Variants in ARAP2 observed in about 807,000 individuals in gnomAD.
ARAP2 encodes arf-GAP with Rho-GAP domain, ANK repeat and PH domain-containing protein 2.
ARAP2 carries 148 observed loss-of-function variants against 194.5 expected under a neutral mutation model. The ratio of observed to expected loss-of-function variants is 0.76; its 90% CI spans 0.67 to 0.87. The LOEUF is 0.87. ARAP2 is among the 40% of genes least tolerant of loss of function. The pLI, the probability that ARAP2 is intolerant of heterozygous loss-of-function variation, is 0.00. For missense variants in ARAP2, 2,128 were observed against 1,989.7 expected (o/e 1.07, Z -1.32); for synonymous variants, 695 against 683.5 (o/e 1.02, Z -0.26).
At chr4:36,112,029 G>A (rs1720118991) in intron 26 of ARAP2, among the ~76,000 whole-genome samples, 1 of 151,902 alleles carries the variant, frequency 6.6e-6, no homozygotes, top group African/African-American at 2.4e-5. Context: ...ACTAAACAGG[G>A]CCCTGAGATC....
At chr4:36,156,038 T>C (rs543957220) in intron 15 of ARAP2, among the ~76,000 whole-genome samples, 4 of 152,144 alleles carry the variant, frequency 2.6e-5, no homozygotes, top group East Asian at 1.9e-4. Context: ...TCCCAGCACA[T>C]TGAGAGGCTG....
chr4:36,168,256 C>T (rs1020952004), intron 9 of ARAP2, among the ~76,000 whole-genome samples: 1 of 152,210 alleles, frequency 6.6e-6, no homozygotes, highest in African/African-American at 2.4e-5. Flanking sequence ...GAAAGCCTTT[C>T]AGCCCTTACT....
At chr4:36,130,406 T>C (rs1725140463) in intron 20 of ARAP2, among the ~76,000 whole-genome samples, 1 of 152,022 alleles carries the variant, frequency 6.6e-6, no homozygotes, top group East Asian at 1.9e-4. Context: ...CCACATTTAA[T>C]ACCACAAAGC....
chr4:36,011,397 A>C (rs892001469), intron 9 of ARAP2, among the ~76,000 whole-genome samples: 21 of 152,238 alleles, frequency 1.4e-4, no homozygotes, highest in African/African-American at 5.1e-4. Flanking sequence ...AGAGTTTTAA[A>C]AATAAAATTG....
chr4:36,235,126 C>T (rs1015270842), intron 1 of ARAP2, among the ~76,000 whole-genome samples: 5 of 152,184 alleles, frequency 3.3e-5, no homozygotes, highest in Admixed American at 1.3e-4. Flanking sequence ...TGCTCACATC[C>T]TAGCCTAAGC....
intron 28 of ARAP2, among the ~76,000 whole-genome samples, chr4:36,090,722 A>G (rs1713378625): frequency 6.6e-6 from 1 of 152,116 alleles, no homozygotes; most frequent in Non-Finnish European, 1.5e-5. Context: ...GAACACATGG[A>G]CACATAGAGG....
At chr4:36,174,578 G>A (rs1156404008) in intron 9 of ARAP2, among the ~76,000 whole-genome samples, 1 of 152,050 alleles carries the variant, frequency 6.6e-6, no homozygotes, top group African/African-American at 2.4e-5. Flanking sequence ...TGTGTTTTTG[G>A]CTCATCCATC....
intron 20 of ARAP2, among the ~76,000 whole-genome samples, chr4:36,130,676 A>T (rs1725213241): frequency 6.6e-6 from 1 of 151,892 alleles, no homozygotes. Context: ...TTTGTCTCTT[A>T]TTCATAAATC....
At chr4:36,020,540 G>T (rs888722198) in intron 5 of ARAP2, among the ~76,000 whole-genome samples, 3 of 152,202 alleles carry the variant, frequency 2.0e-5, no homozygotes, top group South Asian at 2.1e-4. Context: ...AGCAGAATGG[G>T]TGCTGGGATG....
chr4:36,133,970 A>T (rs1428316687), intron 19 of ARAP2, among the ~76,000 whole-genome samples: 1 of 151,738 alleles, frequency 6.6e-6, no homozygotes, highest in Non-Finnish European at 1.5e-5. Context: ...CCCTATCTCC[A>T]GGCTGTAACT....
At chr4:36,090,448 C>CA in intron 28 of ARAP2, among the ~76,000 whole-genome samples, 1 of 152,044 alleles carries the variant, frequency 6.6e-6, no homozygotes, top group Non-Finnish European at 1.5e-5. Flanking sequence ...AGAGATACAA[C>CA]AAAAAAGAAA....
In ARAP2 at chr4:36,148,579, C is replaced by T. The variant is rs188001051; in HGVS notation, c.2898-72G>A. The stretch of plus-strand genomic sequence containing the variant: ...TTAAGAAAATGAATAACACAAAGGT[C>T]ATGTTTTTAATTAAATTCCTTTTAA... On this transcript the variant is annotated intron_variant, in intron 16 of 32. Coordinates refer to ENST00000303965, the MANE Select transcript of ARAP2 (RefSeq NM_015230.4). 24 of 1,047,672 alleles carry T rather than the reference C, an allele frequency of 2.3e-5. No homozygotes were observed. The East Asian group carries it at 5.8e-4, about 25-fold the overall frequency. The allele number at this position is 1,047,672 out of a possible 1,614,324, so 64.9% of individuals were successfully genotyped here. A position where few individuals can be genotyped will look rare whatever the true frequency, so the allele number is the denominator to read the frequency against.
At chr4:36,244,084 T>G (rs1246612470) in intron 1 of ARAP2, 95 bp downstream of exon 1, 1 of 152,084 alleles carries the variant, frequency 6.6e-6, no homozygotes, top group Non-Finnish European at 1.5e-5. Context: ...ATTTACCCGG[T>G]GAAGTGTCGA....
rs538026927 is a variant in ARAP2, at chr4:36,125,457, G to A, written c.3641-490C>T. 8.6e-5 allele frequency among the ~76,000 whole-genome samples: 13 copies of A among 152,046 alleles called. No homozygotes were observed. The South Asian group carries it at 2.5e-3, about 29-fold the overall frequency. ...TCTTTCCAAAGCTATGAACTATCCT[G>A]GAACTATGAACTGTACAGTACCCCT... is the stretch of plus-strand genomic sequence containing the variant. On this transcript the variant is annotated intron_variant, in intron 21 of 32. Transcript: ENST00000303965.
chr4:36,186,674 C>T (rs1340513725), intron 8 of ARAP2, among the ~76,000 whole-genome samples: 1 of 152,258 alleles, frequency 6.6e-6, no homozygotes, highest in Non-Finnish European at 1.5e-5. Context: ...GCATTACTGC[C>T]TGAGCTCTGC....
chr4:36,010,950 T>C (rs368159070), intron 9 of ARAP2, among the ~76,000 whole-genome samples: 4 of 152,174 alleles, frequency 2.6e-5, no homozygotes, highest in Non-Finnish European at 5.9e-5. Flanking sequence ...TAATTCATAA[T>C]GAACTAAAGG....
intron 2 of ARAP2, among the ~76,000 whole-genome samples, chr4:36,220,697 G>GT (rs1391625479): frequency 1.3e-5 from 2 of 151,830 alleles, no homozygotes; most frequent in African/African-American, 4.8e-5. Context: ...AGATGGGAAC[G>GT]TGGAAGAGTT....
downstream of ARAP2, among the ~76,000 whole-genome samples, chr4:36,064,315 C>A (rs538147178): frequency 2.0e-4 from 31 of 151,970 alleles, 1 homozygote; most frequent in African/African-American, 7.0e-4. Context: ...TGGAAATAAG[C>A]CACCTCTGAC....
chr4:36,136,886 T>G (rs1324222069), intron 19 of ARAP2, among the ~76,000 whole-genome samples: 5 of 147,762 alleles, frequency 3.4e-5, no homozygotes, highest in African/African-American at 1.3e-4. Flanking sequence ...AGCAACTTAT[T>G]ACAAAGTCAC....
Sources: allele counts gnomAD v4.1 joint callset (sites outside exome capture counted in the v4.1 genomes callset), GRCh38; gene constraint gnomAD v4.1.1; transcripts MANE v1.5; gene names NCBI Gene and HGNC (gene_info 2026-07-23, HGNC 2026-07-21).